The following PTPRG variants were observed in gnomAD, a reference collection of about 807,000 sequenced individuals.
The protein encoded by PTPRG is receptor-type tyrosine-protein phosphatase gamma.
A neutral mutation model predicts 165.3 loss-of-function variants in PTPRG; 102 were observed. The ratio of observed to expected loss-of-function variants is 0.62; its 90% confidence interval spans 0.53 to 0.73. The LOEUF (loss-of-function observed/expected upper bound fraction) is 0.73. Among genes scored for constraint, PTPRG ranks in the 30% least tolerant of loss-of-function variants. The probability of loss-of-function intolerance (pLI) is 0.00; values close to 1 mark genes in which losing one functional copy is unlikely to be tolerated. For synonymous variants in PTPRG, 675 were observed against 669.5 expected (o/e 1.01, Z -0.13); for missense variants, 1,866 against 1,861.4 (o/e 1.00, Z -0.05).
chr3:62,273,856 A>G lies in PTPRG; in HGVS notation c.3465+12A>G, dbSNP rs1419520751. 1 of 1,611,088 alleles carries G rather than the reference A, an allele frequency of 6.2e-7. No individual in the cohort carries two copies. The highest frequency in any genetic ancestry group is 8.5e-7 in the Non-Finnish European group (1 of 1,178,054). ...AAAAGCAATTCAAGGTAGTGCTTTG[A>G]AAAAGTTTCTTTGGCATAAAGCAAG... On this transcript the variant is annotated intron_variant, in intron 23 of 29. Transcript: ENST00000474889. This position sits in a 1 kb window ranked among gnomAD's most constrained non-coding sequence, Gnocchi z 4.1.
intron 4 of PTPRG, among the ~76,000 whole-genome samples, chr3:62,015,666 C>A (rs545704893): frequency 2.0e-5 from 3 of 152,014 alleles, no homozygotes; most frequent in Non-Finnish European, 4.4e-5. Context: ...TTAGAAGGAT[C>A]CGTCTGGCTG....
rs1219156015 is a variant in PTPRG, at chr3:62,078,225, C to T, written c.582C>T (p.Asn194=). ...FDSFQTAISE[N]RIIGAMAIFF... is the part of the protein sequence containing the mutation. The stretch of plus-strand genomic sequence containing the variant: ...GCTTTCAAACCGCAATTTCTGAGAA[C>T]AGAATAATCGGAGCCATGGCCATAT... The change falls in exon 5 of 30, where the codon AAC becomes AAT. Residue 194 remains asparagine, a synonymous_variant. Transcript: ENST00000474889. 1.5e-5 allele frequency: 24 copies of T among 1,608,410 alleles called. No homozygotes were observed. The East Asian group carries it at 5.1e-4, about 34-fold the overall frequency.
At chr3:61,737,915 T>TTG (rs59055446) in intron 1 of PTPRG, among the ~76,000 whole-genome samples, 4 of 5,968 alleles carry the variant, frequency 6.7e-4, no homozygotes, top group African/African-American at 1.0e-3. Flanking sequence ...GGTTTTTTTG[T>TTG]TTTTTTTTTT....
chr3:62,102,073 G>C (rs1396681249), intron 5 of PTPRG, among the ~76,000 whole-genome samples: 1 of 151,654 alleles, frequency 6.6e-6, no homozygotes, highest in Admixed American at 6.6e-5. Flanking sequence ...TATTGTTACC[G>C]TATTCCTTAG....
intron 15 of PTPRG, among the ~76,000 whole-genome samples, chr3:62,250,108 A>G (rs1701377730): frequency 6.6e-6 from 1 of 152,242 alleles, no homozygotes; most frequent in Admixed American, 6.5e-5. Flanking sequence ...TTTACTTTTC[A>G]TAACACTCTA....
intron 4 of PTPRG, among the ~76,000 whole-genome samples, chr3:62,010,940 G>T (rs995433467): frequency 1.3e-5 from 2 of 152,108 alleles, no homozygotes; most frequent in African/African-American, 4.8e-5. Context: ...GAAAAATTAG[G>T]CACGTGGACA....
intron 4 of PTPRG, among the ~76,000 whole-genome samples, chr3:62,066,446 A>C (rs1462472242): frequency 1.3e-5 from 2 of 152,220 alleles, no homozygotes; most frequent in African/African-American, 4.8e-5. Flanking sequence ...ACTTCATTTC[A>C]TGGTGAATCA....
intron 2 of PTPRG, among the ~76,000 whole-genome samples, chr3:61,813,356 A>G (rs1308895701): frequency 6.6e-6 from 1 of 150,464 alleles, no homozygotes; most frequent in African/African-American, 2.4e-5. Flanking sequence ...ATAGAAAAAA[A>G]ATAGAAAAAT....
rs1470678386 is a variant in PTPRG, at chr3:61,766,241, A to G, written c.190+17259A>G. ...TGTTATTCCATCTTCCTTCATTCCT[A>G]TACAGTTTCGAGCTCAAATTGGAGA... On this transcript the variant is annotated intron_variant, in intron 2 of 29. Transcript: ENST00000474889. Among the ~76,000 whole-genome samples, 2 of 152,162 alleles carry G rather than the reference A, an allele frequency of 1.3e-5. 1 individual carries two copies. The highest frequency in any genetic ancestry group is 4.1e-4 in the South Asian group (2 of 4,832).
intron 6 of PTPRG, among the ~76,000 whole-genome samples, chr3:62,142,983 C>G (rs73096579): frequency 0.1 from 15,318 of 152,160 alleles, 981 homozygotes; most frequent in East Asian, 0.34. Flanking sequence ...CTTGCCCCAG[C>G]GTCACATCAT....
intron 2 of PTPRG, among the ~76,000 whole-genome samples, chr3:61,951,233 G>A (rs1204189480): frequency 6.6e-6 from 1 of 152,196 alleles, no homozygotes; most frequent in African/African-American, 2.4e-5. Context: ...ATTGGAAGTG[G>A]CAATCACTTC....
rs530784686 is a variant in PTPRG at position 61,820,357 on chromosome 3, C to T, written c.190+71375C>T. ...TCTGCCTTTTTGTTCTATTCAGGCA[C>T]TCAGGGTGCCCTGAATGGGTACCTA... On this transcript the variant is annotated intron_variant, in intron 2 of 29. Coordinates refer to ENST00000474889, the MANE Select transcript of PTPRG (RefSeq NM_002841.4). 2.6e-5 allele frequency among the ~76,000 whole-genome samples: 4 copies of T among 152,284 alleles called. No homozygotes were observed. In the East Asian group the frequency reaches 7.7e-4, roughly 29 times the overall value.
intron 1 of PTPRG, among the ~76,000 whole-genome samples, chr3:61,586,615 G>T (rs1452490727): frequency 6.6e-6 from 1 of 152,182 alleles, no homozygotes; most frequent in Non-Finnish European, 1.5e-5. Context: ...TCCTGGGAAG[G>T]AACTGGTCAT....
chr3:61,632,318 T>C (rs377344740), intron 1 of PTPRG, among the ~76,000 whole-genome samples: 2 of 147,696 alleles, frequency 1.4e-5, no homozygotes, highest in South Asian at 2.2e-4. Flanking sequence ...CACACGCACA[T>C]ACACACACAC....
chr3:61,772,058 T>TAAAAAAAAAAAAA (rs71100977), intron 2 of PTPRG, among the ~76,000 whole-genome samples: 1 of 64,782 alleles, frequency 1.5e-5, no homozygotes, highest in Non-Finnish European at 2.8e-5. Flanking sequence ...AGACTCTGTC[T>TAAAAAAAAAAAAA]AAAAAAAAAA....
chr3:62,049,591 T>C (rs1700406727), intron 4 of PTPRG, among the ~76,000 whole-genome samples: 1 of 152,136 alleles, frequency 6.6e-6, no homozygotes, highest in Non-Finnish European at 1.5e-5. Context: ...GTGGAATGGC[T>C]AGATAAGTCG....
At chr3:61,999,585 T>C (rs960675860) in intron 3 of PTPRG, among the ~76,000 whole-genome samples, 2 of 152,246 alleles carry the variant, frequency 1.3e-5, no homozygotes, top group African/African-American at 2.4e-5. Flanking sequence ...TTTCCTGCTG[T>C]TGTTTTAATT....
chr3:61,892,363 C>T (rs1188798308), intron 2 of PTPRG, among the ~76,000 whole-genome samples: 1 of 152,166 alleles, frequency 6.6e-6, no homozygotes, highest in Admixed American at 6.5e-5. Flanking sequence ...TGTAGCTGCA[C>T]ACCACGATGC....
At chr3:61,843,321 A>G (rs1367141562) in intron 2 of PTPRG, among the ~76,000 whole-genome samples, 1 of 152,222 alleles carries the variant, frequency 6.6e-6, no homozygotes, top group Non-Finnish European at 1.5e-5. Flanking sequence ...ACAGTGTGGT[A>G]CTGCCAATAT....
Sources: allele counts gnomAD v4.1 joint callset (sites outside exome capture counted in the v4.1 genomes callset), GRCh38; gene constraint gnomAD v4.1.1; non-coding constraint Gnocchi (gnomAD v3.1); transcripts MANE v1.5; gene names NCBI Gene and HGNC (gene_info 2026-07-23, HGNC 2026-07-21).